The following PUM2 variants were observed in gnomAD, a reference collection of about 807,000 sequenced individuals.
PUM2 encodes the protein pumilio RNA binding family member 2, also known as pumilio homolog 2.
Under a neutral mutation model 124.5 loss-of-function variants are expected in PUM2, and 57 were observed. The ratio of observed to expected loss-of-function variants is 0.46; its 90% CI spans 0.37 to 0.57. The LOEUF (loss-of-function observed/expected upper bound fraction) is 0.57. Among genes scored for constraint, PUM2 ranks in the 20% least tolerant of loss-of-function variants. The pLI is 0.00. For missense variants in PUM2, 1,065 were observed against 1,290.6 expected (o/e 0.83, Z 2.68); for synonymous variants, 460 against 446.1 (o/e 1.03, Z -0.39).
intron 7 of PUM2, among the ~76,000 whole-genome samples, chr2:20,303,048 A>C (rs947495040): frequency 6.6e-6 from 1 of 152,304 alleles, no homozygotes; most frequent in Non-Finnish European, 1.5e-5. Flanking sequence ...CAATTACTTA[A>C]TAATCTCAAA....
intron 13 of PUM2, among the ~76,000 whole-genome samples, chr2:20,266,734 G>A (rs915422115): frequency 6.6e-6 from 1 of 152,092 alleles, no homozygotes. Context: ...CTTTAAAAAT[G>A]TCAAGGTCAT....
chr2:20,254,307 T>C (rs376327261), intron 19 of PUM2, among the ~76,000 whole-genome samples: 46 of 152,202 alleles, frequency 3.0e-4, no homozygotes, highest in African/African-American at 1.1e-3. Flanking sequence ...ACTACAGGCA[T>C]GCGCCACCAC....
chr2:20,315,060 CT>C (rs11327686), intron 3 of PUM2, among the ~76,000 whole-genome samples: 111,288 of 124,862 alleles, frequency 0.89, 49,709 homozygotes, highest in East Asian at 0.97. Flanking sequence ...AAGTGTGCTT[CT>C]TTTTTTTTTT....
chr2:20,277,597 T>G (rs1292150917), intron 13 of PUM2, among the ~76,000 whole-genome samples: 1 of 152,114 alleles, frequency 6.6e-6, no homozygotes, highest in African/African-American at 2.4e-5. Flanking sequence ...TTTATTGTAT[T>G]AGTAAGTTTT....
chr2:20,278,361 A>G (rs753442606), intron 13 of PUM2, among the ~76,000 whole-genome samples: 1 of 152,162 alleles, frequency 6.6e-6, no homozygotes, highest in Non-Finnish European at 1.5e-5. Context: ...TTTCATAAAA[A>G]AAACATAAGA....
intron 12 of PUM2, among the ~76,000 whole-genome samples, chr2:20,280,815 G>A (rs1375925728): frequency 6.6e-6 from 1 of 151,974 alleles, no homozygotes; most frequent in African/African-American, 2.4e-5. Context: ...TGTGAAAAAA[G>A]GCTAAATTAT....
At chr2:20,274,038 C>A (rs118027314) in intron 13 of PUM2, among the ~76,000 whole-genome samples, 2 of 151,960 alleles carry the variant, frequency 1.3e-5, no homozygotes, top group East Asian at 3.9e-4. Flanking sequence ...AATGGAAAAA[C>A]GAAGAATAGT....
intron 7 of PUM2, among the ~76,000 whole-genome samples, chr2:20,307,751 T>C (rs558286639): frequency 2.7e-4 from 41 of 152,366 alleles, no homozygotes; most frequent in Admixed American, 5.9e-4. Flanking sequence ...ACTTATGTGA[T>C]AATAACTTTT....
At chr2:20,334,574 A>C (rs1338604714) in intron 1 of PUM2, among the ~76,000 whole-genome samples, 4 of 152,298 alleles carry the variant, frequency 2.6e-5, no homozygotes, top group South Asian at 2.1e-4. Context: ...TTAATGAATG[A>C]AAAAAACCAT....
At chr2:20,261,393 C>CAAAAA (rs1666186737) in intron 14 of PUM2, among the ~76,000 whole-genome samples, 2 of 13,004 alleles carry the variant, frequency 1.5e-4, no homozygotes, top group Admixed American at 8.8e-4. Context: ...GACTCTGTCT[C>CAAAAA]CAAAAAAAAA....
In PUM2 at chr2:20,274,423, C is replaced by T. The variant is rs184380267; in HGVS notation, c.1957+4160G>A. 2.0e-5 allele frequency among the ~76,000 whole-genome samples: 3 copies of T among 152,192 alleles called. No individual in the cohort carries two copies. The East Asian group carries it at 5.8e-4, about 29-fold the overall frequency. ...TGAATATTTTATCATAAGAGAAGCA[C>T]AAGACTAAGTCTGCCAAAGGCCAGC... On this transcript the variant is annotated intron_variant, in intron 13 of 20. Coordinates refer to ENST00000361078, the MANE Select transcript of PUM2 (RefSeq NM_015317.5).
At chr2:20,297,793 T>A in intron 7 of PUM2, 115 bp from the exon 8 acceptor site, 1 of 1,053,152 alleles carries the variant, frequency 9.5e-7, no homozygotes, top group Admixed American at 2.7e-5. Flanking sequence ...GAGCAGAGTG[T>A]GCATAATGGT....
intron 7 of PUM2, among the ~76,000 whole-genome samples, chr2:20,305,463 G>GA (rs67834545): frequency 0.28 from 12,870 of 46,298 alleles, 2,969 homozygotes; most frequent in Non-Finnish European, 0.32. Context: ...CCCTGTCTTC[G>GA]AAAAAAAAAA....
In PUM2 at chr2:20,318,790, G is replaced by C. The variant is rs887796215; in HGVS notation, c.52-145C>G. On this transcript the variant is annotated intron_variant, in intron 2 of 20. Transcript: ENST00000361078. ...AGTGACCTATTTTCTAAGCTGTTTT[G>C]TTAATAGTAAATTAACTCCCCATTT... 74 of 534,126 alleles carry C rather than the reference G, an allele frequency of 1.4e-4. 1 individual carries two copies. The East Asian group carries it at 2.2e-3, about 16-fold the overall frequency. The allele number at this position is 534,126 out of a possible 1,614,324, so 33.1% of individuals were successfully genotyped here.
chr2:20,292,824 G>A (rs997162470), intron 9 of PUM2, among the ~76,000 whole-genome samples: 13 of 152,078 alleles, frequency 8.5e-5, no homozygotes, highest in African/African-American at 2.9e-4. Context: ...CCAGCTACTT[G>A]GGAGGCTGAG....
At chr2:20,317,443 C>T (rs1681233585) in intron 3 of PUM2, among the ~76,000 whole-genome samples, 2 of 152,116 alleles carry the variant, frequency 1.3e-5, no homozygotes, top group Non-Finnish European at 2.9e-5. Context: ...CTAGGCTGAG[C>T]TGCAATTAGA....
chr2:20,318,442 A>C (rs988407268), intron 3 of PUM2, 95 bp downstream of exon 3: 9 of 1,156,070 alleles, frequency 7.8e-6, no homozygotes, highest in African/African-American at 6.3e-5. Context: ...CAAAAAATGC[A>C]AAAATTTGGA....
chr2:20,325,670 A>G (rs1683511388), intron 2 of PUM2, among the ~76,000 whole-genome samples: 1 of 148,284 alleles, frequency 6.7e-6, no homozygotes. Context: ...CCCCCAGGCC[A>G]GAGAGCAGTG....
chr2:20,330,278 T>C (rs1684629944), intron 1 of PUM2, among the ~76,000 whole-genome samples: 1 of 152,218 alleles, frequency 6.6e-6, no homozygotes. Flanking sequence ...AAACGTATTT[T>C]TGGCCTTTGT....
Sources: gnomAD v4.1 joint callset for allele counts (sites outside exome capture counted in the v4.1 genomes callset) on GRCh38, gnomAD v4.1.1 for gene constraint, MANE v1.5 for transcripts, NCBI Gene and HGNC (gene_info 2026-07-23, HGNC 2026-07-21) for gene names.